Variants in PHLDB2 observed in about 807,000 individuals in gnomAD.
PHLDB2 encodes pleckstrin homology like domain family B member 2.
Under a neutral mutation model 123.6 loss-of-function variants are expected in PHLDB2, and 71 were observed. The ratio of observed to expected loss-of-function variants is 0.57; its 90% CI spans 0.47 to 0.70. PHLDB2 has a LOEUF of 0.70. Among genes scored for constraint, PHLDB2 ranks in the 30% least tolerant of loss-of-function variants. PHLDB2 has a pLI of 0.00. For missense variants in PHLDB2, 1,446 were observed against 1,519.5 expected (o/e 0.95, Z 0.80); for synonymous variants, 547 against 541.6 (o/e 1.01, Z -0.14).
intron 8 of PHLDB2, among the ~76,000 whole-genome samples, chr3:111,942,602 G>A (rs564541476): frequency 1.6e-4 from 25 of 151,966 alleles, no homozygotes; most frequent in Admixed American, 1.1e-3. Flanking sequence ...ATGTTTTTAC[G>A]TTTTTGTTTT....
At chr3:111,935,513 A>AGATG (rs2107583891) in intron 6 of PHLDB2, among the ~76,000 whole-genome samples, 1 of 151,230 alleles carries the variant, frequency 6.6e-6, no homozygotes, top group East Asian at 2.0e-4. Context: ...ATAGATAGAT[A>AGATG]GATAGATAGA....
chr3:111,752,171 G>A (rs2059788327), intron 1 of PHLDB2, among the ~76,000 whole-genome samples: 1 of 151,698 alleles, frequency 6.6e-6, no homozygotes, highest in African/African-American at 2.4e-5. Flanking sequence ...TCAGAGCTCT[G>A]GTTCTTAATG....
chr3:111,917,843 G>A (rs567358196), intron 3 of PHLDB2, among the ~76,000 whole-genome samples: 1 of 152,228 alleles, frequency 6.6e-6, no homozygotes, highest in South Asian at 2.1e-4. Context: ...AATAAATTTA[G>A]TGAACCTAGT....
chr3:111,917,152 C>T (rs539037090), intron 3 of PHLDB2: 1 of 135,344 alleles, frequency 7.4e-6, no homozygotes, highest in Non-Finnish European at 1.7e-5. Context: ...GATTTTGCTT[C>T]TTATAAATAA....
At chr3:111,911,577 A>T in intron 2 of PHLDB2, 1 of 1,524,546 alleles carries the variant, frequency 6.6e-7, no homozygotes, top group Non-Finnish European at 8.8e-7. Flanking sequence ...GTGGAAACTG[A>T]AGAGATAAAT....
At chr3:111,950,644 T>C (rs2070654412) in intron 10 of PHLDB2, among the ~76,000 whole-genome samples, 1 of 152,190 alleles carries the variant, frequency 6.6e-6, no homozygotes, top group South Asian at 2.1e-4. Context: ...TCGATTATAA[T>C]CAAATACCTA....
At chr3:111,839,236 T>A (rs1056337179) in intron 1 of PHLDB2, among the ~76,000 whole-genome samples, 1 of 152,172 alleles carries the variant, frequency 6.6e-6, no homozygotes, top group Non-Finnish European at 1.5e-5. Flanking sequence ...AAAAACTAAA[T>A]ATAACACATG....
chr3:111,940,231 G>C (rs546893576), intron 7 of PHLDB2, among the ~76,000 whole-genome samples: 1 of 152,062 alleles, frequency 6.6e-6, no homozygotes, highest in African/African-American at 2.4e-5. Flanking sequence ...CTCATGAGGC[G>C]TACCCAAGAT....
intron 1 of PHLDB2, among the ~76,000 whole-genome samples, chr3:111,875,352 G>A (rs2107276624): frequency 6.6e-6 from 1 of 151,732 alleles, no homozygotes; most frequent in East Asian, 2.0e-4. Flanking sequence ...GTTTCTCCAT[G>A]TTGGTCAGGC....
intron 2 of PHLDB2, among the ~76,000 whole-genome samples, chr3:111,892,035 G>GTA (rs2066529248): frequency 6.6e-6 from 1 of 152,072 alleles, no homozygotes; most frequent in East Asian, 1.9e-4. Flanking sequence ...GTAGTGCCTT[G>GTA]GTAAATAGCA....
At chr3:111,820,941 C>T (rs141757786) in intron 1 of PHLDB2, among the ~76,000 whole-genome samples, 1 of 152,194 alleles carries the variant, frequency 6.6e-6, no homozygotes, top group Non-Finnish European at 1.5e-5. Flanking sequence ...CAGAGTCAAG[C>T]AAGATTTTGC....
intron 15 of PHLDB2, 117 bp downstream of exon 15, chr3:111,967,941 T>A (rs1239095121): frequency 3.7e-6 from 2 of 537,628 alleles, no homozygotes; most frequent in Non-Finnish European, 5.5e-6. Flanking sequence ...GCACTTGACA[T>A]GTAAGGGTTA....
At chr3:111,860,435 C>T (rs181551579) in intron 1 of PHLDB2, among the ~76,000 whole-genome samples, 3 of 152,208 alleles carry the variant, frequency 2.0e-5, no homozygotes, top group African/African-American at 7.2e-5. Flanking sequence ...GTATTTTAAC[C>T]CTCTGTTTCT....
At chr3:111,759,304 C>G (rs1240947326) in intron 1 of PHLDB2, among the ~76,000 whole-genome samples, 11 of 152,168 alleles carry the variant, frequency 7.2e-5, no homozygotes, top group Non-Finnish European at 1.6e-4. Context: ...TAGATGGTGC[C>G]TTCTCACTGT....
chr3:111,968,723 C>T (rs1226451237), intron 15 of PHLDB2, among the ~76,000 whole-genome samples: 1 of 152,162 alleles, frequency 6.6e-6, no homozygotes, highest in East Asian at 1.9e-4. Context: ...CAAAGTACCA[C>T]ATAATCAAAC....
intron 16 of PHLDB2, 100 bp downstream of exon 16, chr3:111,970,009 A>G (rs2072060100): frequency 9.5e-7 from 1 of 1,056,700 alleles, no homozygotes; most frequent in Non-Finnish European, 1.4e-6. Flanking sequence ...AGGTTGATAC[A>G]TAACAGAATT....
chr3:111,816,614 A>G (rs2062089139), intron 1 of PHLDB2, among the ~76,000 whole-genome samples: 1 of 152,162 alleles, frequency 6.6e-6, no homozygotes, highest in Non-Finnish European at 1.5e-5. Context: ...GGAAGTAATT[A>G]ACTTGCTTTT....
intron 1 of PHLDB2, among the ~76,000 whole-genome samples, chr3:111,777,185 C>A (rs1246561437): frequency 5.3e-5 from 8 of 152,002 alleles, no homozygotes; most frequent in Non-Finnish European, 1.5e-5. Context: ...ATCAAGGCAT[C>A]TTCTCAAGGA....
rs188741036 is a variant in PHLDB2, at chr3:111,814,936, G to A, written c.-48-30885G>A. Among the ~76,000 whole-genome samples, 9 of 152,346 alleles carry A rather than the reference G, an allele frequency of 5.9e-5. No individual in the cohort carries two copies. In the East Asian group the frequency reaches 1.5e-3, roughly 26 times the overall value. ...ATAACTTCCACAGTTCCCACGTAGT[G>A]TGGGAGGAACCTGGTGGGAGGTGAT... On this transcript the variant is annotated intron_variant, in intron 1 of 17. Coordinates refer to the PHLDB2 transcript ENST00000393923.
Sources: gnomAD v4.1 joint callset for allele counts (sites outside exome capture counted in the v4.1 genomes callset) on GRCh38, gnomAD v4.1.1 for gene constraint, MANE v1.5 for transcripts, NCBI Gene and HGNC (gene_info 2026-07-23, HGNC 2026-07-21) for gene names.